The following DCTD variants were observed in gnomAD, a reference collection of about 807,000 sequenced individuals.
The protein encoded by DCTD is deoxycytidylate deaminase.
Under a neutral mutation model 21.0 loss-of-function variants are expected in DCTD, and 23 were observed. The ratio of observed to expected loss-of-function variants is 1.09; its 90% confidence interval spans 0.79 to 1.55. The LOEUF (loss-of-function observed/expected upper bound fraction) is 1.55. Among genes scored for constraint, DCTD ranks in the 40% most tolerant of loss-of-function variants. The probability of loss-of-function intolerance (pLI) is 0.00; values close to 1 mark genes in which losing one functional copy is unlikely to be tolerated. For missense variants in DCTD, 224 were observed against 230.0 expected, an observed-to-expected ratio of 0.97 and a Z score of 0.17; for synonymous variants, 71 against 81.1, an observed-to-expected ratio of 0.88 and a Z score of 0.67.
chr4:182,898,854 T>A (rs1474682378), intron 3 of DCTD, among the ~76,000 whole-genome samples: 1 of 152,244 alleles, frequency 6.6e-6, no homozygotes, highest in African/African-American at 2.4e-5. Flanking sequence ...TCTAAAATAA[T>A]GTTTTTCAAA....
chr4:182,905,366 G>C (rs1736500305), intron 3 of DCTD, among the ~76,000 whole-genome samples: 1 of 124,738 alleles, frequency 8.0e-6, no homozygotes, highest in Admixed American at 9.7e-5. Flanking sequence ...GTCTCACTCT[G>C]TTGCCAGGCT....
At chr4:182,916,622 G>C in intron 1 of DCTD, 1 of 996,988 alleles carries the variant, frequency 1.0e-6, no homozygotes, top group Non-Finnish European at 1.2e-6. Flanking sequence ...GAGAGGCCTG[G>C]CAACCCCCCT....
intron 3 of DCTD, among the ~76,000 whole-genome samples, chr4:182,907,401 G>A (rs1215900658): frequency 2.0e-5 from 3 of 152,156 alleles, no homozygotes; most frequent in East Asian, 3.8e-4. Flanking sequence ...GCTTCCCAAC[G>A]TGCTGGGATT....
chr4:182,916,873 G>C (rs1360571976), intron 1 of DCTD: 2 of 1,016,300 alleles, frequency 2.0e-6, no homozygotes, highest in South Asian at 6.4e-5. Flanking sequence ...GAAACAGAGA[G>C]AACTGGAGCT....
chr4:182,905,420 C>T (rs1246926402), intron 3 of DCTD, among the ~76,000 whole-genome samples: 2 of 151,526 alleles, frequency 1.3e-5, no homozygotes, highest in Admixed American at 6.6e-5. Context: ...CCTCCGCCTC[C>T]CAGTTTCAAG....
chr4:182,916,566 G>C (rs1738770688), intron 1 of DCTD: 4 of 989,394 alleles, frequency 4.0e-6, no homozygotes, highest in Non-Finnish European at 4.8e-6. Context: ...GTGGAGAGTG[G>C]GTGCTGGGAA....
At position 182,914,553 on chromosome 4, in the gene DCTD, G is replaced by A. The variant is rs555401293; in HGVS notation, c.244+370C>T. On this transcript the variant is annotated intron_variant, in intron 3 of 5. Transcript: ENST00000438320. ...CCCTGCTTCCAAGTAGTAAAAAAAG[G>A]AACCCACAGAGACACCATGCACATC... 2.0e-5 allele frequency among the ~76,000 whole-genome samples: 3 copies of A among 152,324 alleles called. No individual in the cohort carries two copies. The East Asian group carries it at 5.8e-4, about 29-fold the overall frequency.
In DCTD at chr4:182,891,243, G is replaced by A. The variant is rs1436639227; in HGVS notation, c.*156C>T. The A allele has an allele frequency of 7.7e-6, 5 of 648,428 alleles. No homozygotes were observed. Among genetic ancestry groups the A allele is most frequent in the Non-Finnish European group, 1.1e-5 (4 of 361,594 alleles). 40.2% of individuals were successfully genotyped at this position (648,428 alleles called of 1,614,324 possible). A position where few individuals can be genotyped will look rare whatever the true frequency, so the allele number is the denominator to read the frequency against. ...CACATGTAGATTCCATGTGACAAGA[G>A]AGACAGTAAGGAAGATTTGAGGCTT... On this transcript the variant is annotated 3_prime_UTR_variant, in exon 6 of 6. Coordinates refer to ENST00000438320, the MANE Select transcript of DCTD (RefSeq NM_001921.3).
At position 182,891,361 on chromosome 4, in the gene DCTD, G is replaced by A. The variant is rs776339622; in HGVS notation, c.*38C>T. 1.8e-5 allele frequency: 26 copies of A among 1,446,440 alleles called. No homozygotes were observed. Among genetic ancestry groups the A allele is most frequent in the Non-Finnish European group, 2.4e-5 (25 of 1,027,812 alleles). 89.6% of individuals were successfully genotyped at this position (1,446,440 alleles called of 1,614,324 possible). ...AGGCATTAGCAACCTCTTAGAAGAC[G>A]ATAATCCCAATCTTCTGGAGATTGA... On this transcript the variant is annotated 3_prime_UTR_variant, in exon 6 of 6. Transcript: ENST00000438320.
chr4:182,892,469 T>C (rs1733942810), intron 5 of DCTD, among the ~76,000 whole-genome samples: 1 of 151,952 alleles, frequency 6.6e-6, no homozygotes, highest in Non-Finnish European at 1.5e-5. Flanking sequence ...CTGGCCAACA[T>C]GGTGAAACCC....
At chr4:182,905,716 C>T (rs1034608074) in intron 3 of DCTD, among the ~76,000 whole-genome samples, 1 of 152,164 alleles carries the variant, frequency 6.6e-6, no homozygotes, top group African/African-American at 2.4e-5. Flanking sequence ...TCTGCACATG[C>T]TCCCTTCATC....
At chr4:182,915,830 G>A (rs1043621927) in intron 1 of DCTD, 2 of 1,167,452 alleles carry the variant, frequency 1.7e-6, no homozygotes, top group Middle Eastern at 3.6e-4. Flanking sequence ...TCTATTTACT[G>A]CTTTCTCATA....
At position 182,917,025 on chromosome 4, in the gene DCTD, A is replaced by G; in HGVS notation, c.-8+286T>C. ...GGGCGCAGGAAGGGATGTGGTGTTC[A>G]GACGCCCAGCACCACCTCCCGGGGC... On this transcript the variant is annotated intron_variant, in intron 1 of 5. Transcript: ENST00000438320. The surrounding 1 kb of genome is among the most constrained non-coding windows in gnomAD (Gnocchi z 4.9). 4 of 988,966 alleles carry G rather than the reference A, an allele frequency of 4.0e-6. No homozygotes were observed. Among genetic ancestry groups the G allele is most frequent in the Non-Finnish European group, 4.8e-6 (4 of 832,286 alleles). 61.3% of individuals were successfully genotyped at this position (988,966 alleles called of 1,614,324 possible). A position where few individuals can be genotyped will look rare whatever the true frequency, so the allele number is the denominator to read the frequency against.
At chr4:182,915,372 A>C in intron 2 of DCTD, 89 bp downstream of exon 2, 1 of 908,090 alleles carries the variant, frequency 1.1e-6, no homozygotes, top group East Asian at 2.4e-5. Flanking sequence ...TTAAGTTGAC[A>C]GGCGTCCACT....
Position 182,891,351 on chromosome 4 carries a change from CTT to C in DCTD, c.*46_*47del. ...TCAAGATGAAAGGCATTAGCAACCT[CTT>C]AGAAGACGATAATCCCAATCTTCTG... On this transcript the variant is annotated 3_prime_UTR_variant, in exon 6 of 6. Transcript: ENST00000438320. 1 of 1,365,408 alleles carries C rather than the reference CTT, an allele frequency of 7.3e-7. No homozygotes were observed. The highest frequency in any genetic ancestry group is 2.3e-5 in the East Asian group (1 of 43,622). 84.6% of individuals were successfully genotyped at this position (1,365,408 alleles called of 1,614,324 possible).
chr4:182,916,631 CT>C lies in DCTD; in HGVS notation c.-8+679del, dbSNP rs137929192. 1,927 of 999,808 alleles carry C rather than the reference CT, an allele frequency of 1.9e-3. 18 individuals carry two copies. In the African/African-American group the frequency reaches 0.03, roughly 15 times the overall value. The allele number at this position is 999,808 out of a possible 1,614,324, so 61.9% of individuals were successfully genotyped here. On this transcript the variant is annotated intron_variant, in intron 1 of 5. Transcript: ENST00000438320. ...ACATCTGAGAGGCCTGGCAACCCCCCTAACAGGAAAAGACAGGTGCTGAATC... is the reference window on the plus strand; with the variant it reads ...ACATCTGAGAGGCCTGGCAACCCCCCAACAGGAAAAGACAGGTGCTGAATC...
rs200868118 is a variant in DCTD, at chr4:182,892,497, C to CA, written c.458+533dup. ...TGAAACCCCGTCTCTACTGAAAGTA[C>CA]AAAAAAATTAGCTGGGTGTGGCAGG... On this transcript the variant is annotated intron_variant, in intron 5 of 5. Coordinates refer to ENST00000438320, the MANE Select transcript of DCTD (RefSeq NM_001921.3). Among the ~76,000 whole-genome samples the CA allele has an allele frequency of 6.1e-3, 932 of 152,076 alleles. 7 individuals carry two copies. Among genetic ancestry groups the CA allele is most frequent in the African/African-American group, 0.02 (845 of 41,486 alleles).
At chr4:182,915,767 T>C in intron 1 of DCTD, 192 bp from the exon 2 acceptor site, 2 of 851,764 alleles carry the variant, frequency 2.3e-6, no homozygotes, top group Non-Finnish European at 3.4e-6. Flanking sequence ...AGAAATTTCC[T>C]ATTTCAGAAG....
At chr4:182,895,636 A>C (rs1734603511) in intron 3 of DCTD, among the ~76,000 whole-genome samples, 1 of 152,160 alleles carries the variant, frequency 6.6e-6, no homozygotes, top group African/African-American at 2.4e-5. Context: ...CACAGCACAC[A>C]CCTGGGTTTG....
Sources: allele counts gnomAD v4.1 joint callset (sites outside exome capture counted in the v4.1 genomes callset), GRCh38; gene constraint gnomAD v4.1.1; non-coding constraint Gnocchi (gnomAD v3.1); transcripts MANE v1.5; gene names NCBI Gene and HGNC (gene_info 2026-07-23, HGNC 2026-07-21).